Variants in NSUN6 observed in about 807,000 individuals in gnomAD.
NSUN6 encodes the protein NOP2/Sun RNA methyltransferase 6.
Under a neutral mutation model 58.0 loss-of-function variants are expected in NSUN6, and 64 were observed. The observed-to-expected ratio is 1.10, with a 90% CI of 0.90 to 1.36. NSUN6 has a LOEUF of 1.36. Ranked by LOEUF, NSUN6 falls within the 40% of genes most tolerant of loss-of-function variation. The probability of loss-of-function intolerance (pLI) is 0.00; values close to 1 mark genes in which losing one functional copy is unlikely to be tolerated. For synonymous variants in NSUN6, 231 were observed against 193.9 expected, an observed-to-expected ratio of 1.19 and a Z score of -1.59; for missense variants, 701 against 550.1, an observed-to-expected ratio of 1.27 and a Z score of -2.74.
intron 1 of NSUN6, among the ~76,000 whole-genome samples, chr10:18,650,030 A>T (rs2059658352): frequency 6.6e-6 from 1 of 152,024 alleles, no homozygotes; most frequent in African/African-American, 2.4e-5. Flanking sequence ...TAAAGATTTC[A>T]AAAAAAACAA....
chr10:18,575,671 C>T (rs1367964403), intron 8 of NSUN6, among the ~76,000 whole-genome samples: 7 of 152,104 alleles, frequency 4.6e-5, no homozygotes, highest in Non-Finnish European at 8.8e-5. Context: ...CTTAGAGACT[C>T]GATTGCCATG....
At chr10:18,657,244 C>T (rs981551568), upstream of NSUN6, among the ~76,000 whole-genome samples, 2 of 152,066 alleles carry the variant, frequency 1.3e-5, no homozygotes, top group African/African-American at 2.4e-5. Flanking sequence ...ATAATTGTGG[C>T]TATTTTTCTT....
At chr10:18,585,570 T>C (rs2131108715) in intron 8 of NSUN6, among the ~76,000 whole-genome samples, 1 of 152,246 alleles carries the variant, frequency 6.6e-6, no homozygotes, top group African/African-American at 2.4e-5. Context: ...AGGACAAATA[T>C]TACACGATCT....
chr10:18,559,424 G>T (rs117564587), intron 8 of NSUN6, among the ~76,000 whole-genome samples: 3 of 148,652 alleles, frequency 2.0e-5, no homozygotes, highest in African/African-American at 7.3e-5. Context: ...GGAATGGAAT[G>T]GAATGGAGAA....
chr10:18,629,054 T>G (rs918945778), intron 3 of NSUN6, among the ~76,000 whole-genome samples: 3 of 152,180 alleles, frequency 2.0e-5, no homozygotes, highest in African/African-American at 7.2e-5. Flanking sequence ...ACAGCAGGTC[T>G]CTTGGCAGAA....
At chr10:18,600,959 TACA>T (rs2057803037) in intron 6 of NSUN6, among the ~76,000 whole-genome samples, 3 of 64,960 alleles carry the variant, frequency 4.6e-5, no homozygotes, top group Middle Eastern at 0.011. Context: ...TATATATATA[TACA>T]TATATATATA....
In NSUN6 at chr10:18,545,928, C is replaced by T. The variant is rs758377774; in HGVS notation, c.*5G>A. On this transcript the variant is annotated 3_prime_UTR_variant, in exon 11 of 11. Transcript: ENST00000377304. ...AATTTTCATTTCTGAGCATCCATCC[C>T]TCTCCTATGTGCTTTTGCATTTTAC... 1.4e-6 allele frequency: 2 copies of T among 1,477,250 alleles called. No homozygotes were observed. Among genetic ancestry groups the T allele is most frequent in the South Asian group, 1.2e-5 (1 of 84,054 alleles). The allele number at this position is 1,477,250 out of a possible 1,614,324, so 91.5% of individuals were successfully genotyped here.
intron 7 of NSUN6, among the ~76,000 whole-genome samples, chr10:18,586,544 C>T (rs1170633788): frequency 6.6e-6 from 1 of 151,836 alleles, no homozygotes; most frequent in South Asian, 2.1e-4. Flanking sequence ...GGGAGTGAAG[C>T]GGCAGACCTT....
At chr10:18,650,516 C>G (rs767769480) in intron 1 of NSUN6, among the ~76,000 whole-genome samples, 2 of 152,172 alleles carry the variant, frequency 1.3e-5, no homozygotes, top group African/African-American at 4.8e-5. Context: ...ACGTAATTTA[C>G]AAAGCACTAG....
chr10:18,599,151 C>A (rs116485595), intron 6 of NSUN6, among the ~76,000 whole-genome samples: 1 of 152,224 alleles, frequency 6.6e-6, no homozygotes, highest in Non-Finnish European at 1.5e-5. Context: ...AATCCTCCCA[C>A]ATCAGCCTCC....
chr10:18,657,373 G>C (rs1471867874), upstream of NSUN6, among the ~76,000 whole-genome samples: 1 of 152,058 alleles, frequency 6.6e-6, no homozygotes, highest in East Asian at 1.9e-4. Flanking sequence ...TCATAAGAAA[G>C]GTGTTAAAAG....
chr10:18,652,248 A>G, upstream of NSUN6: 1 of 984,278 alleles, frequency 1.0e-6, no homozygotes, highest in Non-Finnish European at 1.2e-6. Context: ...TCATAAGCAG[A>G]CAAGGATATA....
chr10:18,576,092 C>G (rs964171048), intron 8 of NSUN6, among the ~76,000 whole-genome samples: 7 of 152,110 alleles, frequency 4.6e-5, no homozygotes, highest in African/African-American at 1.4e-4. Flanking sequence ...CATCCAGAGT[C>G]ATGGGCCATA....
chr10:18,555,843 AAAATGGAATGGAGAATG>A (rs1183449961), intron 8 of NSUN6, among the ~76,000 whole-genome samples: 34 of 148,588 alleles, frequency 2.3e-4, no homozygotes, highest in African/African-American at 8.4e-4. Flanking sequence ...GGAATGGAGA[AAAATGGAATGGAGAATG>A]GAATGGAATG....
upstream of NSUN6, among the ~76,000 whole-genome samples, chr10:18,657,202 C>A (rs891310102): frequency 1.3e-5 from 2 of 152,168 alleles, no homozygotes; most frequent in African/African-American, 4.8e-5. Context: ...TAATACACAA[C>A]TATATTCTGT....
At chr10:18,596,387 C>G (rs1383241364) in intron 6 of NSUN6, 60 bp from the exon 7 acceptor site, 1 of 1,200,684 alleles carries the variant, frequency 8.3e-7, no homozygotes, top group Non-Finnish European at 1.2e-6. Flanking sequence ...AATTTGAGAA[C>G]CAGAGAATAT....
intron 5 of NSUN6, among the ~76,000 whole-genome samples, chr10:18,611,441 G>A (rs2058232092): frequency 6.6e-6 from 1 of 152,012 alleles, no homozygotes; most frequent in South Asian, 2.1e-4. Flanking sequence ...AGTTTATGTT[G>A]GTCTTTAGAG....
chr10:18,601,304 C>A (rs1408300434), intron 6 of NSUN6, among the ~76,000 whole-genome samples: 1 of 151,798 alleles, frequency 6.6e-6, no homozygotes, highest in African/African-American at 2.4e-5. Flanking sequence ...TTGAAACATG[C>A]CAAGCAAAAT....
At chr10:18,578,929 T>C (rs2056785024) in intron 8 of NSUN6, among the ~76,000 whole-genome samples, 1 of 152,230 alleles carries the variant, frequency 6.6e-6, no homozygotes, top group South Asian at 2.1e-4. Context: ...GTAATGGTAA[T>C]GTGTCATCTC....
Sources: gnomAD v4.1 joint callset for allele counts (sites outside exome capture counted in the v4.1 genomes callset) on GRCh38, gnomAD v4.1.1 for gene constraint, MANE v1.5 for transcripts, NCBI Gene and HGNC (gene_info 2026-07-23, HGNC 2026-07-21) for gene names.